Variants in ABLIM3 observed in about 807,000 individuals in gnomAD.
ABLIM3 encodes actin-binding LIM protein 3.
Under a neutral mutation model 109.5 loss-of-function variants are expected in ABLIM3, and 61 were observed. The ratio of observed to expected loss-of-function variants is 0.56; its 90% CI spans 0.45 to 0.69. The LOEUF (loss-of-function observed/expected upper bound fraction) is 0.69. Ranked by LOEUF, ABLIM3 falls within the 30% of genes least tolerant of loss-of-function variation. The probability of loss-of-function intolerance (pLI) is 0.00; values close to 1 mark genes in which losing one functional copy is unlikely to be tolerated. For missense variants in ABLIM3, 796 were observed against 889.5 expected, an observed-to-expected ratio of 0.89 and a Z score of 1.34; for synonymous variants, 300 against 324.8, an observed-to-expected ratio of 0.92 and a Z score of 0.82.
rs1208403571 is a variant in ABLIM3, at chr5:149,259,431, C to T, written c.*1027C>T. On this transcript the variant is annotated 3_prime_UTR_variant, in exon 24 of 24. Coordinates refer to ENST00000309868, the MANE Select transcript of ABLIM3 (RefSeq NM_014945.5). ...ATCATCCTCCAGAGAGAAAATAGGC[C>T]GTGTCTCAAAGAAAGGTTCTTGGTC... is the stretch of plus-strand genomic sequence containing the variant. 1.3e-5 allele frequency: 19 copies of T among 1,518,262 alleles called. No individual in the cohort carries two copies. The Admixed American group carries it at 2.0e-4, about 16-fold the overall frequency. The allele number at this position is 1,518,262 out of a possible 1,614,324, so 94.0% of individuals were successfully genotyped here. A position where few individuals can be genotyped will look rare whatever the true frequency, so the allele number is the denominator to read the frequency against.
intron 10 of ABLIM3, among the ~76,000 whole-genome samples, chr5:149,236,541 G>A (rs2918263): frequency 0.5 from 75,849 of 151,728 alleles, 19,679 homozygotes; most frequent in African/African-American, 0.63. Context: ...TGGCTTCAGG[G>A]GCCATGAGAT....
chr5:149,178,244 T>C (rs1756143402), intron 2 of ABLIM3, among the ~76,000 whole-genome samples: 1 of 152,200 alleles, frequency 6.6e-6, no homozygotes, highest in South Asian at 2.1e-4. Context: ...GACCCACAGT[T>C]GGGTCTTCTT....
chr5:149,222,493 G>A (rs1314340583), intron 8 of ABLIM3, among the ~76,000 whole-genome samples: 2 of 152,080 alleles, frequency 1.3e-5, no homozygotes, highest in Admixed American at 6.6e-5. Flanking sequence ...TTTAGGCAGA[G>A]GGTCCATAGC....
chr5:149,208,989 G>A (rs953504854), intron 6 of ABLIM3, among the ~76,000 whole-genome samples: 1 of 152,160 alleles, frequency 6.6e-6, no homozygotes, highest in Non-Finnish European at 1.5e-5. Context: ...GGCAGTAGGG[G>A]AGTGTTGGAC....
chr5:149,245,468 C>T (rs1279329333), intron 16 of ABLIM3, among the ~76,000 whole-genome samples: 4 of 152,000 alleles, frequency 2.6e-5, no homozygotes, highest in African/African-American at 9.7e-5. Flanking sequence ...AGGCTGTCCA[C>T]TTAACCTTGA....
intron 4 of ABLIM3, among the ~76,000 whole-genome samples, chr5:149,199,800 A>C (rs1246119376): frequency 6.6e-6 from 1 of 152,224 alleles, no homozygotes; most frequent in South Asian, 2.1e-4. Context: ...GAGGCAGAGC[A>C]TGTGCAAATT....
intron 2 of ABLIM3, among the ~76,000 whole-genome samples, chr5:149,143,631 C>T (rs748902264): frequency 3.3e-5 from 5 of 151,196 alleles, no homozygotes; most frequent in Admixed American, 2.0e-4. Flanking sequence ...CTGCTGTCTT[C>T]CTTTGTGTAT....
intron 8 of ABLIM3, among the ~76,000 whole-genome samples, chr5:149,229,562 C>T (rs777228753): frequency 6.6e-6 from 1 of 152,214 alleles, no homozygotes; most frequent in Non-Finnish European, 1.5e-5. Flanking sequence ...CATCCCTTAG[C>T]TAGTATTCCG....
chr5:149,200,404 C>T lies in ABLIM3; in HGVS notation c.424C>T (p.Pro142Ser). The T allele has an allele frequency of 6.2e-7, 1 of 1,614,208 alleles. No individual in the cohort carries two copies. The highest frequency in any genetic ancestry group is 8.5e-7 in the Non-Finnish European group (1 of 1,180,034). Residue 142 changes from proline (P) to serine (S), a missense_variant, in exon 5 of 24, where the codon CCC becomes TCC. Transcript: ENST00000309868. ...CTCCCAGTCCATGGCCAGCAGTAAG[C>T]CCATCAAGATTCGTGGACCAAGCCG... ...TCSQSMASSK[P>S]IKIRGPSHCA...
At chr5:149,231,101 C>A (rs1196626456) in intron 9 of ABLIM3, among the ~76,000 whole-genome samples, 1 of 152,190 alleles carries the variant, frequency 6.6e-6, no homozygotes, top group Admixed American at 6.5e-5. Context: ...AGCATCTTCA[C>A]AGGCACTGTC....
intron 2 of ABLIM3, among the ~76,000 whole-genome samples, chr5:149,182,007 A>G (rs949168278): frequency 6.6e-6 from 1 of 152,228 alleles, no homozygotes; most frequent in Non-Finnish European, 1.5e-5. Context: ...TAAGGCTTCC[A>G]ATTGGAAGGG....
At chr5:149,193,352 G>T (rs10463416) in intron 3 of ABLIM3, among the ~76,000 whole-genome samples, 1 of 151,502 alleles carries the variant, frequency 6.6e-6, no homozygotes, top group Non-Finnish European at 1.5e-5. Flanking sequence ...CAATCAAGAC[G>T]CCATTTACCT....
At chr5:149,185,772 A>G (rs1405355070) in intron 3 of ABLIM3, among the ~76,000 whole-genome samples, 1 of 152,240 alleles carries the variant, frequency 6.6e-6, no homozygotes, top group Non-Finnish European at 1.5e-5. Context: ...AAAAATTGTT[A>G]TGAATTTCTT....
At chr5:149,250,398 G>T in intron 19 of ABLIM3, 49 bp from the exon 20 acceptor site, 1 of 1,592,504 alleles carries the variant, frequency 6.3e-7, no homozygotes. Flanking sequence ...CAGGGAGAGG[G>T]ACTCATGGCT....
Position 149,251,359 on chromosome 5 carries a change from A to G in ABLIM3, c.1789A>G (p.Thr597Ala), listed in dbSNP as rs781684954. 146 of 1,613,980 alleles carry G rather than the reference A, an allele frequency of 9.0e-5. No homozygotes were observed. Among genetic ancestry groups the G allele is most frequent in the Non-Finnish European group, 1.2e-4 (138 of 1,180,024 alleles). Residue 597 changes from threonine (T) to alanine (A), a missense_variant and splice_region_variant, in exon 21 of 24, where the codon ACA (threonine) becomes GCA (alanine). Transcript: ENST00000309868. ...PAYRRNGLHR[T>A]PSADLFHYDS... ...AGCCGTGGTTCTGTCTCTTCTGCAG[A>G]CACCCAGCGCAGACCTCTTCCACTA...
intron 3 of ABLIM3, among the ~76,000 whole-genome samples, chr5:149,189,648 C>G (rs1757295599): frequency 6.6e-6 from 1 of 152,156 alleles, no homozygotes; most frequent in Non-Finnish European, 1.5e-5. Context: ...AATCAAACCA[C>G]AATGAGATGC....
intron 7 of ABLIM3, among the ~76,000 whole-genome samples, chr5:149,214,862 C>T (rs764418259): frequency 6.6e-6 from 1 of 152,136 alleles, no homozygotes; most frequent in Admixed American, 6.5e-5. Flanking sequence ...CATTTTTGAA[C>T]CTGGTTTGCT....
chr5:149,238,205 A>C (rs1013229559), intron 11 of ABLIM3, among the ~76,000 whole-genome samples: 13 of 152,172 alleles, frequency 8.5e-5, no homozygotes, highest in African/African-American at 2.9e-4. Context: ...TTTTCTGGAG[A>C]TGGCAGCAGG....
intron 23 of ABLIM3, among the ~76,000 whole-genome samples, 184 bp downstream of exon 23, chr5:149,253,021 G>C (rs140770136): frequency 1.1e-3 from 168 of 151,970 alleles, no homozygotes; most frequent in African/African-American, 3.9e-3. Context: ...CCCCAAAACT[G>C]TCCCATGCTG....
Sources: allele counts gnomAD v4.1 joint callset (sites outside exome capture counted in the v4.1 genomes callset), GRCh38; gene constraint gnomAD v4.1.1; transcripts MANE v1.5; gene names NCBI Gene and HGNC (gene_info 2026-07-23, HGNC 2026-07-21).